The following SVOP variants were observed in gnomAD, a reference collection of about 807,000 sequenced individuals.
SVOP encodes SV2 related protein, also known as synaptic vesicle 2-related protein.
Under a neutral mutation model 69.1 loss-of-function variants are expected in SVOP, and 17 were observed. The ratio of observed to expected loss-of-function variants is 0.25; its 90% CI spans 0.17 to 0.37. The LOEUF is 0.37. Among genes scored for constraint, SVOP ranks in the 10% least tolerant of loss-of-function variants. SVOP has a pLI of 1.00. For missense variants in SVOP, 435 were observed against 597.5 expected (o/e 0.73, Z 2.84); for synonymous variants, 238 against 238.6 (o/e 1.00, Z 0.02).
intron 11 of SVOP, among the ~76,000 whole-genome samples, chr12:108,928,179 C>T (rs994380298): frequency 1.3e-5 from 2 of 152,252 alleles, no homozygotes; most frequent in Admixed American, 1.3e-4. Flanking sequence ...GCTGGGATTA[C>T]AGGTGTGAGC....
chr12:108,935,528 G>A (rs1470068692), intron 10 of SVOP, among the ~76,000 whole-genome samples: 2 of 152,204 alleles, frequency 1.3e-5, no homozygotes, highest in Admixed American at 6.5e-5. Flanking sequence ...GGCTCACTGA[G>A]TTAATTGAGC....
chr12:108,937,327 C>T lies in SVOP; in HGVS notation c.908G>A (p.Gly303Asp). ...GGGTGTGAAAAGGTCCCTCATTTTG[C>T]CTCGGTCTTCCTGTTTCAAAACAAG... is the stretch of plus-strand genomic sequence containing the variant. ...KLIISRQEDR[G>D]KMRDLFTPHF... Residue 303 changes from glycine to aspartate, a missense_variant, in exon 10 of 16, where the codon GGC becomes GAC. By Grantham distance (94) the Gly-to-Asp change is moderately conservative. Transcript: ENST00000610966. 6.2e-7 allele frequency: 1 copy of T among 1,613,876 alleles called. No homozygotes were observed. The highest frequency in any genetic ancestry group is 1.1e-5 in the South Asian group (1 of 91,074).
At chr12:108,924,142 A>G (rs1364715461) in intron 11 of SVOP, among the ~76,000 whole-genome samples, 1 of 152,148 alleles carries the variant, frequency 6.6e-6, no homozygotes, top group African/African-American at 2.4e-5. Flanking sequence ...TGCCCCTTTT[A>G]TCATGTGAGG....
chr12:108,926,727 C>T (rs547531195), intron 11 of SVOP, among the ~76,000 whole-genome samples: 1 of 152,194 alleles, frequency 6.6e-6, no homozygotes, highest in Non-Finnish European at 1.5e-5. Context: ...TACATATTGA[C>T]CAGTTTTGCC....
At chr12:108,919,557 A>G in intron 13 of SVOP, 118 bp downstream of exon 13, 1 of 713,044 alleles carries the variant, frequency 1.4e-6, no homozygotes, top group Non-Finnish European at 2.3e-6. Flanking sequence ...TTGGGCCTGC[A>G]CCTCCACCTG....
At chr12:109,003,246 C>G (rs1187827592) in intron 1 of SVOP, among the ~76,000 whole-genome samples, 1 of 152,150 alleles carries the variant, frequency 6.6e-6, no homozygotes, top group Non-Finnish European at 1.5e-5. Flanking sequence ...TGAGGGAAGA[C>G]ACATTTTTTT....
chr12:108,923,298 T>A (rs1214109948), intron 11 of SVOP, among the ~76,000 whole-genome samples: 1 of 152,178 alleles, frequency 6.6e-6, no homozygotes, highest in African/African-American at 2.4e-5. Context: ...CTGTCTCTTA[T>A]GCTTTTCCTT....
chr12:108,961,067 G>A lies in SVOP; in HGVS notation c.454-20C>T, dbSNP rs36139385. The A allele has an allele frequency of 0.11, 174,861 of 1,530,540 alleles. 11,256 individuals are homozygous for A. Among genetic ancestry groups the A allele is most frequent in the East Asian group, 0.3 (12,174 of 40,802 alleles). 94.8% of individuals were successfully genotyped at this position (1,530,540 alleles called of 1,614,324 possible). A position where few individuals can be genotyped will look rare whatever the true frequency, so the allele number is the denominator to read the frequency against. On this transcript the variant is annotated intron_variant, in intron 5 of 15. Transcript: ENST00000610966. ...CAGCCCCTGAAGAGAAGGAAGACAC[G>A]GAATCACAAGGGCTTTTCAGCACCT...
At chr12:108,993,144 A>ACC (rs1322312894) in intron 1 of SVOP, among the ~76,000 whole-genome samples, 1 of 152,074 alleles carries the variant, frequency 6.6e-6, no homozygotes, top group Non-Finnish European at 1.5e-5. Flanking sequence ...AGTAGCTGGG[A>ACC]TTACAGGCAC....
At chr12:108,978,075 AG>A (rs1181959789) in intron 3 of SVOP, among the ~76,000 whole-genome samples, 1 of 152,026 alleles carries the variant, frequency 6.6e-6, no homozygotes, top group Non-Finnish European at 1.5e-5. Flanking sequence ...TTTTCCAATT[AG>A]GGGGGGAAAT....
At chr12:108,924,930 T>C (rs906656079) in intron 11 of SVOP, among the ~76,000 whole-genome samples, 2 of 152,188 alleles carry the variant, frequency 1.3e-5, no homozygotes, top group African/African-American at 2.4e-5. Flanking sequence ...TATAAATCTT[T>C]TCCTGAGGGG....
At chr12:108,945,752 CA>C (rs1379813618) in intron 6 of SVOP, among the ~76,000 whole-genome samples, 1 of 152,154 alleles carries the variant, frequency 6.6e-6, no homozygotes, top group East Asian at 1.9e-4. Flanking sequence ...GAGCCCTACC[CA>C]TAATCCAATA....
chr12:108,986,510 A>C (rs913962452), intron 1 of SVOP, among the ~76,000 whole-genome samples: 2 of 152,236 alleles, frequency 1.3e-5, no homozygotes, highest in Non-Finnish European at 2.9e-5. Context: ...AAAGGATTAG[A>C]CTATTAGGTT....
At chr12:108,925,051 C>T (rs1018696270) in intron 11 of SVOP, among the ~76,000 whole-genome samples, 1 of 152,014 alleles carries the variant, frequency 6.6e-6, no homozygotes, top group Non-Finnish European at 1.5e-5. Flanking sequence ...CAAAGAATCT[C>T]TAAGTCCACC....
chr12:108,951,796 C>T (rs1297021331), intron 6 of SVOP, among the ~76,000 whole-genome samples: 1 of 152,242 alleles, frequency 6.6e-6, no homozygotes, highest in Non-Finnish European at 1.5e-5. Context: ...AACCCAGTTG[C>T]AACTGGTTTG....
At chr12:108,954,999 A>G (rs1439629666) in intron 6 of SVOP, among the ~76,000 whole-genome samples, 1 of 152,236 alleles carries the variant, frequency 6.6e-6, no homozygotes, top group Non-Finnish European at 1.5e-5. Flanking sequence ...CCTGGGTAAC[A>G]GAGCGAGACC....
At chr12:109,015,573 G>A (rs947174145) in intron 1 of SVOP, among the ~76,000 whole-genome samples, 2 of 152,082 alleles carry the variant, frequency 1.3e-5, no homozygotes, top group African/African-American at 4.8e-5. Context: ...GCATTTTGCG[G>A]GGCCAAGGCG....
chr12:108,962,963 TCAAAA>T (rs997900078), intron 5 of SVOP, among the ~76,000 whole-genome samples: 1 of 151,626 alleles, frequency 6.6e-6, no homozygotes, highest in African/African-American at 2.4e-5. Context: ...AGACTCTATC[TCAAAA>T]CAAAACAAAA....
At chr12:108,926,729 A>C (rs2039782904) in intron 11 of SVOP, among the ~76,000 whole-genome samples, 2 of 152,238 alleles carry the variant, frequency 1.3e-5, no homozygotes, top group South Asian at 4.1e-4. Context: ...CATATTGACC[A>C]GTTTTGCCTC....
Sources: gnomAD v4.1 joint callset for allele counts (sites outside exome capture counted in the v4.1 genomes callset) on GRCh38, gnomAD v4.1.1 for gene constraint, MANE v1.5 for transcripts, NCBI Gene and HGNC (gene_info 2026-07-23, HGNC 2026-07-21) for gene names.